The following DDX10 variants were observed in gnomAD, a reference collection of about 807,000 sequenced individuals.
The protein encoded by DDX10 is DEAD-box helicase 10, also known as probable ATP-dependent RNA helicase DDX10.
DDX10 carries 74 observed loss-of-function variants against 104.3 expected under a neutral mutation model. The ratio of observed to expected loss-of-function variants is 0.71; its 90% CI spans 0.59 to 0.86. The LOEUF is 0.86. Ranked by LOEUF, DDX10 falls within the 40% of genes least tolerant of loss-of-function variation. The pLI, the probability that DDX10 is intolerant of heterozygous loss-of-function variation, is 0.00. For synonymous variants in DDX10, 351 were observed against 353.4 expected, an observed-to-expected ratio of 0.99 and a Z score of 0.08; for missense variants, 952 against 1,040.0, an observed-to-expected ratio of 0.92 and a Z score of 1.16.
chr11:108,754,284 A>G (rs2094341999), intron 13 of DDX10, among the ~76,000 whole-genome samples: 1 of 152,008 alleles, frequency 6.6e-6, no homozygotes, highest in South Asian at 2.1e-4. Context: ...TGAGTTGTCT[A>G]AGTAGCATGA....
At chr11:108,763,020 T>C (rs2094352501) in intron 13 of DDX10, among the ~76,000 whole-genome samples, 2 of 152,322 alleles carry the variant, frequency 1.3e-5, no homozygotes, top group South Asian at 2.1e-4. Context: ...TGGTAGAACA[T>C]ATAGATCCTC....
Position 108,673,638 on chromosome 11 carries a change from TATC to T in DDX10, c.247+114_247+116del, listed in dbSNP as rs529143861. 3.7e-4 allele frequency: 270 copies of T among 730,678 alleles called. 1 individual carries two copies. The African/African-American group carries it at 4.5e-3, about 12-fold the overall frequency. 45.3% of individuals were successfully genotyped at this position (730,678 alleles called of 1,614,324 possible). A position where few individuals can be genotyped will look rare whatever the true frequency, so the allele number is the denominator to read the frequency against. On this transcript the variant is annotated intron_variant, in intron 2 of 17. Coordinates refer to ENST00000322536, the MANE Select transcript of DDX10 (RefSeq NM_004398.4). ...AAAATCTTATTTTGGCAAATTTTGA[TATC>T]ATGAAAACCAATGAAAATAAGCAAT...
At chr11:108,704,639 G>A (rs780744635) in intron 9 of DDX10, among the ~76,000 whole-genome samples, 1 of 152,180 alleles carries the variant, frequency 6.6e-6, no homozygotes, top group African/African-American at 2.4e-5. Context: ...GTCCCATACT[G>A]CTTAGGGGTC....
At chr11:108,908,768 T>C (rs572087570) in intron 16 of DDX10, among the ~76,000 whole-genome samples, 1 of 152,208 alleles carries the variant, frequency 6.6e-6, no homozygotes, top group Non-Finnish European at 1.5e-5. Flanking sequence ...GGAATGGAAA[T>C]GAAAAGTGTG....
intron 13 of DDX10, among the ~76,000 whole-genome samples, chr11:108,791,960 T>C (rs1861877441): frequency 6.6e-6 from 1 of 152,182 alleles, no homozygotes; most frequent in Non-Finnish European, 1.5e-5. Flanking sequence ...GGTATTGTCA[T>C]TTAAAAAAAT....
chr11:108,847,496 TG>T (rs1235279681), intron 15 of DDX10, among the ~76,000 whole-genome samples: 1 of 152,224 alleles, frequency 6.6e-6, no homozygotes, highest in African/African-American at 2.4e-5. Flanking sequence ...TGTCAAGATG[TG>T]GCTCTGGACT....
intron 16 of DDX10, among the ~76,000 whole-genome samples, chr11:108,887,691 G>C: frequency 6.6e-6 from 1 of 152,052 alleles, no homozygotes; most frequent in African/African-American, 2.4e-5. Context: ...AAGGCGGGTG[G>C]TTCACTTGAT....
At chr11:108,911,556 C>CTTTTTT (rs869132450) in intron 16 of DDX10, among the ~76,000 whole-genome samples, 1 of 63,690 alleles carries the variant, frequency 1.6e-5, no homozygotes, top group African/African-American at 6.7e-5. Context: ...GCCTCCTCTT[C>CTTTTTT]TTTTTTTTTT....
At chr11:108,753,656 TGTG>T (rs2094341150) in intron 13 of DDX10, among the ~76,000 whole-genome samples, 1 of 152,006 alleles carries the variant, frequency 6.6e-6, no homozygotes, top group African/African-American at 2.4e-5. Context: ...ATACAGTTCT[TGTG>T]GTGTATTTTT....
intron 13 of DDX10, among the ~76,000 whole-genome samples, chr11:108,802,659 A>T (rs2134559405): frequency 6.6e-6 from 1 of 152,332 alleles, no homozygotes; most frequent in South Asian, 2.1e-4. Flanking sequence ...CTACCAAAAC[A>T]AAAAAGTTTC....
At chr11:108,793,290 A>G (rs2134549987) in intron 13 of DDX10, among the ~76,000 whole-genome samples, 1 of 152,280 alleles carries the variant, frequency 6.6e-6, no homozygotes, top group East Asian at 1.9e-4. Flanking sequence ...CTTTCACATA[A>G]TGAGTCCCAG....
At chr11:108,747,533 G>A (rs1246893752) in intron 13 of DDX10, among the ~76,000 whole-genome samples, 1 of 152,146 alleles carries the variant, frequency 6.6e-6, no homozygotes, top group Non-Finnish European at 1.5e-5. Context: ...TAATGCCTTA[G>A]TATTTTCAGA....
chr11:108,706,799 G>A lies in DDX10; in HGVS notation c.1284G>A (p.Gln428=). Residue 428 remains glutamine, a synonymous_variant, in exon 10 of 18, where the codon CAG becomes CAA. Coordinates refer to ENST00000322536, the MANE Select transcript of DDX10 (RefSeq NM_004398.4). Reference sequence around the variant, plus strand: ...TACCCTCAGAAAAAGCTATGGTGCAGCAGCTTCTTCAGAAGAAAGTACCTG... The same window carrying A: ...TACCCTCAGAAAAAGCTATGGTGCAACAGCTTCTTCAGAAGAAAGTACCTG... The part of the protein sequence containing the change: ...ILLPSEKAMV[Q]QLLQKKVPVK... The A allele has an allele frequency of 6.2e-7, 1 of 1,614,076 alleles. No homozygotes were observed. The highest frequency in any genetic ancestry group is 1.7e-5 in the Admixed American group (1 of 60,022).
chr11:108,850,730 A>G (rs1265561085), intron 15 of DDX10, among the ~76,000 whole-genome samples: 2 of 152,134 alleles, frequency 1.3e-5, no homozygotes, highest in Admixed American at 6.5e-5. Context: ...GTACGAACCT[A>G]CAAAGTGAAG....
chr11:108,925,294 A>G lies in DDX10; in HGVS notation c.2450+7276A>G, dbSNP rs572013674. 3.3e-5 allele frequency among the ~76,000 whole-genome samples: 5 copies of G among 152,064 alleles called. No individual in the cohort carries two copies. The South Asian group carries it at 1.0e-3, about 32-fold the overall frequency. On this transcript the variant is annotated intron_variant, in intron 17 of 17. Coordinates refer to ENST00000322536, the MANE Select transcript of DDX10 (RefSeq NM_004398.4). Reference sequence around the variant, plus strand: ...TGAGAAATTGGGAGTTTAAGAAGCTACTCTCTTACTGTTACTGTTTTTGCC... The same window carrying G: ...TGAGAAATTGGGAGTTTAAGAAGCTGCTCTCTTACTGTTACTGTTTTTGCC...
chr11:108,901,698 C>A (rs1316997113), intron 16 of DDX10, among the ~76,000 whole-genome samples: 2 of 152,188 alleles, frequency 1.3e-5, no homozygotes, highest in Middle Eastern at 3.2e-3. Flanking sequence ...AATTTTTCCT[C>A]TGTGGCTCTT....
intron 15 of DDX10, among the ~76,000 whole-genome samples, chr11:108,845,068 C>T (rs1278888819): frequency 1.3e-5 from 2 of 151,980 alleles, no homozygotes; most frequent in African/African-American, 2.4e-5. Context: ...ATTAGCCAGT[C>T]GTGATGGCGG....
chr11:108,884,106 G>C (rs1863262501), intron 16 of DDX10, among the ~76,000 whole-genome samples: 1 of 152,210 alleles, frequency 6.6e-6, no homozygotes, highest in South Asian at 2.1e-4. Flanking sequence ...CTGAGCCCCT[G>C]GTTCATATAT....
At chr11:108,686,475 G>A (rs1293300779) in intron 6 of DDX10, among the ~76,000 whole-genome samples, 1 of 152,024 alleles carries the variant, frequency 6.6e-6, no homozygotes, top group African/African-American at 2.4e-5. Context: ...TTGTATAGTT[G>A]GAACCATACA....
Sources: gnomAD v4.1 joint callset for allele counts (sites outside exome capture counted in the v4.1 genomes callset) on GRCh38, gnomAD v4.1.1 for gene constraint, MANE v1.5 for transcripts, NCBI Gene and HGNC (gene_info 2026-07-23, HGNC 2026-07-21) for gene names.